FER: variants seen among roughly 807,000 people sequenced by gnomAD.
FER encodes the protein FER tyrosine kinase, also known as tyrosine-protein kinase Fer.
FER carries 63 observed loss-of-function variants against 111.0 expected under a neutral mutation model. That is an observed-to-expected ratio of 0.57 (90% confidence interval 0.46 to 0.70). The LOEUF is 0.70. Ranked by LOEUF, FER falls within the 30% of genes least tolerant of loss-of-function variation. The pLI is 0.00. For synonymous variants in FER, 327 were observed against 313.9 expected, an observed-to-expected ratio of 1.04 and a Z score of -0.44; for missense variants, 914 against 954.0, an observed-to-expected ratio of 0.96 and a Z score of 0.55.
At chr5:109,180,329 T>C (rs962353438) in intron 17 of FER, among the ~76,000 whole-genome samples, 3 of 152,194 alleles carry the variant, frequency 2.0e-5, no homozygotes, top group Non-Finnish European at 4.4e-5. Flanking sequence ...GTATATAAAA[T>C]GAAAAATTCA....
At chr5:108,808,851 G>A (rs570327733) in intron 3 of FER, among the ~76,000 whole-genome samples, 1 of 152,172 alleles carries the variant, frequency 6.6e-6, no homozygotes, top group African/African-American at 2.4e-5. Context: ...ACGATGCTTA[G>A]TTTGGTGAGA....
chr5:108,825,107 C>A lies in FER; in HGVS notation c.208-7663C>A, dbSNP rs568325185. On this transcript the variant is annotated intron_variant, in intron 3 of 19. Coordinates refer to ENST00000281092, the MANE Select transcript of FER (RefSeq NM_005246.4). ...AGATCACAGGACCACAGGACGGAGG[C>A]GAAATTAAAATTGCTAATGAAGTTT... Among the ~76,000 whole-genome samples the A allele has an allele frequency of 4.6e-5, 7 of 152,152 alleles. No individual in the cohort carries two copies. In the South Asian group the frequency reaches 8.3e-4, roughly 18 times the overall value.
chr5:108,919,927 T>C (rs577402483), intron 10 of FER, among the ~76,000 whole-genome samples: 2 of 152,240 alleles, frequency 1.3e-5, no homozygotes, highest in East Asian at 1.9e-4. Flanking sequence ...AGAAACCTCA[T>C]AGAATTGTCT....
In FER at chr5:108,790,367, G is replaced by A. The variant is rs539893137; in HGVS notation, c.-59-7757G>A. On this transcript the variant is annotated intron_variant, in intron 2 of 19. Transcript: ENST00000281092. ...CAAATAAGATTATTGAAGTTAGAGA[G>A]CTAAAGCTCTTGCTTTTCTGTGTAG... Among the ~76,000 whole-genome samples, 281 of 152,102 alleles carry A rather than the reference G, an allele frequency of 1.8e-3. 4 individuals are homozygous for A. Among genetic ancestry groups the A allele is most frequent in the African/African-American group, 6.2e-3 (257 of 41,492 alleles).
intron 13 of FER, among the ~76,000 whole-genome samples, chr5:109,036,220 T>C (rs1414952797): frequency 6.6e-6 from 1 of 152,116 alleles, no homozygotes; most frequent in African/African-American, 2.4e-5. Context: ...AAACCTTCAC[T>C]TACCCACTTG....
At chr5:108,762,314 C>CT (rs1192744910) in intron 1 of FER, among the ~76,000 whole-genome samples, 3 of 152,208 alleles carry the variant, frequency 2.0e-5, no homozygotes, top group African/African-American at 7.2e-5. Flanking sequence ...ATCCTTGATT[C>CT]TTTTCCTTTA....
chr5:109,134,647 G>A (rs187944170), intron 17 of FER, among the ~76,000 whole-genome samples: 68 of 152,280 alleles, frequency 4.5e-4, no homozygotes, highest in Non-Finnish European at 3.7e-4. Flanking sequence ...ATTAAGAGCA[G>A]TTCGGCCAAG....
chr5:109,053,611 C>G (rs1016511824), intron 16 of FER, among the ~76,000 whole-genome samples: 2 of 151,228 alleles, frequency 1.3e-5, no homozygotes, highest in African/African-American at 4.9e-5. Flanking sequence ...TTTTTTTCCA[C>G]TAAGTATAAT....
chr5:108,800,293 TA>T (rs1756494872), intron 3 of FER, among the ~76,000 whole-genome samples: 1 of 152,234 alleles, frequency 6.6e-6, no homozygotes, highest in Admixed American at 6.5e-5. Context: ...ATTTATACAT[TA>T]AATTAACAGT....
intron 17 of FER, among the ~76,000 whole-genome samples, chr5:109,113,353 T>G (rs1026711923): frequency 4.6e-5 from 7 of 152,154 alleles, no homozygotes; most frequent in Non-Finnish European, 1.0e-4. Flanking sequence ...AGACTATATA[T>G]ACCTACTCAA....
At chr5:108,781,257 C>T (rs560816452) in intron 2 of FER, among the ~76,000 whole-genome samples, 10 of 152,280 alleles carry the variant, frequency 6.6e-5, no homozygotes, top group Non-Finnish European at 1.0e-4. Flanking sequence ...GTGGTATGAT[C>T]TTGGCATACT....
chr5:108,996,059 G>T (rs933715511), intron 13 of FER, among the ~76,000 whole-genome samples: 3 of 152,192 alleles, frequency 2.0e-5, no homozygotes, highest in Non-Finnish European at 4.4e-5. Context: ...CCGCATAAAT[G>T]TCTTTTTTTG....
At chr5:109,052,000 C>T (rs1407914974) in intron 16 of FER, 58 of 1,584,602 alleles carry the variant, frequency 3.7e-5, no homozygotes, top group Middle Eastern at 1.7e-4. Flanking sequence ...GATGTAGGTT[C>T]GCAGCAACCC....
chr5:109,051,958 A>T, intron 16 of FER: 1 of 1,590,294 alleles, frequency 6.3e-7, no homozygotes, highest in Non-Finnish European at 8.6e-7. Context: ...CAGCAAGGTC[A>T]CCTCAAAGAT....
intron 1 of FER, among the ~76,000 whole-genome samples, chr5:108,758,063 A>C (rs2149921972): frequency 6.6e-6 from 1 of 152,328 alleles, no homozygotes; most frequent in South Asian, 2.1e-4. Context: ...CATGGCCTTC[A>C]ATCTACATTA....
At chr5:108,783,131 C>T (rs1447367749) in intron 2 of FER, among the ~76,000 whole-genome samples, 3 of 152,020 alleles carry the variant, frequency 2.0e-5, no homozygotes, top group African/African-American at 4.8e-5. Flanking sequence ...CCCACAGGTC[C>T]GTGAGGCTTT....
At chr5:108,859,922 A>ATTATTATTATTATTG (rs1763346412) in intron 5 of FER, among the ~76,000 whole-genome samples, 2 of 141,718 alleles carry the variant, frequency 1.4e-5, no homozygotes, top group African/African-American at 5.2e-5. Flanking sequence ...GTATATACCT[A>ATTATTATTATTATTG]TTATTATTAT....
In FER at chr5:108,889,718, G is replaced by A. The variant is rs141547160; in HGVS notation, c.1046+6200G>A. Among the ~76,000 whole-genome samples, 692 of 151,842 alleles carry A rather than the reference G, an allele frequency of 4.6e-3. 5 individuals carry two copies. The highest frequency in any genetic ancestry group is 0.014 in the Middle Eastern group (4 of 292). On this transcript the variant is annotated intron_variant, in intron 9 of 19. Transcript: ENST00000281092. ...AAATGCTTGAGGTGATGGATACCCC[G>A]TTTACCGTGATGTGAGTATAACACA...
At chr5:109,179,365 T>C (rs1393079248) in intron 17 of FER, among the ~76,000 whole-genome samples, 1 of 151,804 alleles carries the variant, frequency 6.6e-6, no homozygotes, top group Non-Finnish European at 1.5e-5. Flanking sequence ...TTTGTCAGGT[T>C]AAATAAATTC....
Sources: gnomAD v4.1 joint callset for allele counts (sites outside exome capture counted in the v4.1 genomes callset) on GRCh38, gnomAD v4.1.1 for gene constraint, MANE v1.5 for transcripts, NCBI Gene and HGNC (gene_info 2026-07-23, HGNC 2026-07-21) for gene names.